Variants in DMD observed in about 807,000 individuals in gnomAD.
DMD encodes dystrophin, also known as mutant dystrophin.
In DMD, 63 loss-of-function variants were observed where a neutral mutation model predicts 330.1. The ratio of observed to expected loss-of-function variants is 0.19; its 90% confidence interval spans 0.16 to 0.24. The LOEUF (loss-of-function observed/expected upper bound fraction) is 0.24, where lower values mean the gene tolerates loss of function less well. Ranked by LOEUF, DMD falls within the 10% of genes least tolerant of loss-of-function variation. DMD has a pLI of 1.00. For missense variants in DMD, 3,344 were observed against 2,684.1 expected (o/e 1.25, Z -5.43); for synonymous variants, 1,223 against 959.8 (o/e 1.27, Z -5.07).
chrX:32,005,122 TA>T (rs2095652705), intron 44 of DMD, among the ~76,000 whole-genome samples: 1 of 111,764 alleles, frequency 8.9e-6, no homozygotes, highest in Non-Finnish European at 1.9e-5. Context: ...CAATATTAGC[TA>T]TATACATTGT....
chrX:31,829,313 GAA>G (rs2092965074), intron 49 of DMD, among the ~76,000 whole-genome samples: 1 of 110,111 alleles, frequency 9.1e-6, no homozygotes, highest in African/African-American at 3.3e-5. Context: ...AAAAATTTCA[GAA>G]TTCGCCACTA....
At chrX:31,505,735 G>C (rs2070876401) in intron 56 of DMD, among the ~76,000 whole-genome samples, 1 of 111,222 alleles carries the variant, frequency 9.0e-6, no homozygotes, top group Admixed American at 9.5e-5. Context: ...CCGGGTTCAA[G>C]CGATTCTCCT....
chrX:32,538,586 C>T (rs1009785335), intron 17 of DMD, among the ~76,000 whole-genome samples: 2 of 111,165 alleles, frequency 1.8e-5, no homozygotes, highest in Admixed American at 9.6e-5. Flanking sequence ...CACGGACATA[C>T]GTGAAAGCCC....
At chrX:31,917,746 T>C (rs1338335581) in intron 47 of DMD, among the ~76,000 whole-genome samples, 1 of 112,643 alleles carries the variant, frequency 8.9e-6, no homozygotes, top group Non-Finnish European at 1.9e-5. Context: ...AAGCCACGTA[T>C]TCCAGTTCAG....
chrX:31,265,244 T>C (rs1011738659), intron 62 of DMD, among the ~76,000 whole-genome samples: 7 of 112,515 alleles, frequency 6.2e-5, no homozygotes, highest in Non-Finnish European at 1.3e-4. Context: ...GATCAGACTC[T>C]TTTTCTAGAG....
At chrX:32,072,429 G>A (rs1348507621) in intron 44 of DMD, among the ~76,000 whole-genome samples, 1 of 103,437 alleles carries the variant, frequency 9.7e-6, no homozygotes. Flanking sequence ...TTCTATTTGG[G>A]AAAAAAAAAA....
rs1301273840 is a variant in DMD at position 32,033,674 on chromosome X, AAG to A, written c.6439-65162_6439-65161del. 7.3e-4 allele frequency among the ~76,000 whole-genome samples: 68 copies of A among 93,623 alleles called. 4 individuals are homozygous for A. The highest frequency in any genetic ancestry group is 1.8e-3 in the African/African-American group (41 of 22,304). 81.3% of individuals were successfully genotyped at this position (93,623 alleles called of 115,157 possible). On this transcript the variant is annotated intron_variant, in intron 44 of 78. Transcript: ENST00000357033. ...GAAAGAAGAAAGAAAGAAAGAAAGG[AAG>A]GAAAGAAAGAAAGAGAAAGAAAGAA...
chrX:31,876,731 A>G (rs1390901961), intron 47 of DMD, among the ~76,000 whole-genome samples: 2 of 110,395 alleles, frequency 1.8e-5, no homozygotes, highest in Non-Finnish European at 3.8e-5. Flanking sequence ...AAAACAAAAC[A>G]AAAAAACAGA....
intron 21 of DMD, among the ~76,000 whole-genome samples, chrX:32,475,675 G>T (rs1031189492): frequency 7.2e-5 from 8 of 110,880 alleles, no homozygotes; most frequent in African/African-American, 2.6e-4. Context: ...TTGATTCTCT[G>T]CTTGGTCGTT....
intron 50 of DMD, among the ~76,000 whole-genome samples, chrX:31,786,212 C>CT (rs2091289108): frequency 8.9e-6 from 1 of 111,954 alleles, no homozygotes; most frequent in South Asian, 3.7e-4. Context: ...TGATGATGAG[C>CT]TTTTTTTCAT....
At chrX:31,725,173 C>G (rs1036470927) in intron 52 of DMD, among the ~76,000 whole-genome samples, 6 of 111,282 alleles carry the variant, frequency 5.4e-5, no homozygotes, top group African/African-American at 1.6e-4. Context: ...TCCTAAGACC[C>G]TAGACAAGTT....
chrX:31,859,186 C>A (rs764131642), intron 48 of DMD, among the ~76,000 whole-genome samples: 2 of 111,152 alleles, frequency 1.8e-5, no homozygotes, highest in Non-Finnish European at 3.8e-5. Context: ...GATCTCAGGT[C>A]ATGTATAATG....
Position 31,904,486 on chromosome X carries a change from C to T in DMD, c.6912+25110G>A, listed in dbSNP as rs1227257209. Among the ~76,000 whole-genome samples, 5 of 112,087 alleles carry T rather than the reference C, an allele frequency of 4.5e-5. No homozygotes were observed. The South Asian group carries it at 1.9e-3, about 42-fold the overall frequency. On this transcript the variant is annotated intron_variant, in intron 47 of 78. Coordinates refer to ENST00000357033, the MANE Select transcript of DMD (RefSeq NM_004006.3). ...AAAGGATATCACTTCTCCAATTAGG[C>T]TACATAAGATTGGGACTTTTGTCTT...
intron 78 of DMD, 93 bp downstream of exon 78, chrX:31,126,549 G>C (rs916005840): frequency 1.3e-6 from 1 of 745,121 alleles, no homozygotes; most frequent in African/African-American, 2.1e-5. Context: ...ACACACATGC[G>C]CGTGCACACA....
intron 30 of DMD, among the ~76,000 whole-genome samples, chrX:32,392,479 C>T (rs776190893): frequency 9.0e-6 from 1 of 110,727 alleles, no homozygotes; most frequent in African/African-American, 3.3e-5. Context: ...AGGATGGTCT[C>T]GAATGCCTGA....
rs1003982831 is a variant in DMD at position 32,675,873 on chromosome X, A to C, written c.960+21997T>G. Reference sequence around the variant, plus strand: ...ATGTTTGTTATATAATGATTGTCCAATATCAGTTAGTAATTTTTGTGACAT... The same window carrying C: ...ATGTTTGTTATATAATGATTGTCCACTATCAGTTAGTAATTTTTGTGACAT... On this transcript the variant is annotated intron_variant, in intron 9 of 78. Coordinates refer to ENST00000357033, the MANE Select transcript of DMD (RefSeq NM_004006.3). Among the ~76,000 whole-genome samples the C allele has an allele frequency of 2.7e-5, 3 of 111,993 alleles. No homozygotes were observed. The Admixed American group carries it at 2.9e-4, about 11-fold the overall frequency.
At chrX:33,265,164 TC>T (rs1041769992) in intron 1 of DMD, among the ~76,000 whole-genome samples, 14 of 110,385 alleles carry the variant, frequency 1.3e-4, no homozygotes, top group Admixed American at 2.9e-4. Context: ...AATTTTTTTT[TC>T]CCTAAAGAAC....
chrX:33,012,910 G>T (rs1330054990), intron 2 of DMD, among the ~76,000 whole-genome samples: 1 of 110,955 alleles, frequency 9.0e-6, no homozygotes, highest in Non-Finnish European at 1.9e-5. Flanking sequence ...CATTCAGAAA[G>T]AATCAACTAA....
intron 55 of DMD, among the ~76,000 whole-genome samples, chrX:31,598,244 G>T (rs1195898094): frequency 9.1e-6 from 1 of 110,424 alleles, no homozygotes; most frequent in Admixed American, 9.7e-5. Context: ...TCAGCGTCCT[G>T]AGTAGCTGGG....
Sources: gnomAD v4.1 joint callset for allele counts (sites outside exome capture counted in the v4.1 genomes callset) on GRCh38, gnomAD v4.1.1 for gene constraint, MANE v1.5 for transcripts, NCBI Gene and HGNC (gene_info 2026-07-23, HGNC 2026-07-21) for gene names.